TMC3: variants seen among roughly 807,000 people sequenced by gnomAD.
TMC3 encodes the protein transmembrane channel-like protein 3.
TMC3 carries 98 observed loss-of-function variants against 110.6 expected under a neutral mutation model. The observed-to-expected ratio is 0.89, with a 90% CI of 0.75 to 1.05. The LOEUF (loss-of-function observed/expected upper bound fraction) is 1.05. Ranked by LOEUF, TMC3 falls within the 50% of genes least tolerant of loss-of-function variation. TMC3 has a pLI of 0.00. For synonymous variants in TMC3, 489 were observed against 513.1 expected, an observed-to-expected ratio of 0.95 and a Z score of 0.63; for missense variants, 1,319 against 1,373.2, an observed-to-expected ratio of 0.96 and a Z score of 0.62.
In TMC3 at chr15:81,355,728, T is replaced by A; in HGVS notation, c.932A>T (p.Asn311Ile). The change falls in exon 9 of 22, where the codon AAC becomes ATC. Residue 311 changes from asparagine to isoleucine, a missense_variant. Physicochemically the swap from Asn to Ile is moderately radical, Grantham distance 149 (BLOSUM62 -3). Transcript: ENST00000359440. Reference protein sequence around the residue: ...LEEQEKKKSKNLAVTICLRII... With the variant: ...LEEQEKKKSKILAVTICLRII... ...CATGGGGAGTAATAATACCTACAGG[T>A]TTTTGCTTTTCTTTTTCTCCTGTTC... 1 of 1,596,376 alleles carries A rather than the reference T, an allele frequency of 6.3e-7. No homozygotes were observed. The highest frequency in any genetic ancestry group is 1.3e-5 in the African/African-American group (1 of 74,390).
chr15:81,358,242 C>G lies in TMC3; in HGVS notation c.650G>C (p.Arg217Thr). 6.2e-7 allele frequency: 1 copy of G among 1,613,284 alleles called. No individual in the cohort carries two copies. The highest frequency in any genetic ancestry group is 8.5e-7 in the Non-Finnish European group (1 of 1,179,522). The change falls in exon 7 of 22, where the codon AGG (arginine) becomes ACG (threonine). Residue 217 changes from arginine (R) to threonine (T), a missense_variant. Physicochemically the swap from Arg to Thr is moderately conservative, Grantham distance 71. Transcript: ENST00000359440. ...VLFYGYYGRE[R>T]KIGRAGYRLP... ...CCGGTAGCCAGCTCTCCCGATCTTC[C>G]TCTCCCTGCCGTAATATCCGTAGAA...
At chr15:81,336,780 T>C in intron 19 of TMC3, 129 bp from the exon 20 acceptor site, 1 of 922,172 alleles carries the variant, frequency 1.1e-6, no homozygotes, top group South Asian at 1.4e-5. Flanking sequence ...GTACTACTAT[T>C]GCCCCCTATG....
chr15:81,369,224 T>C (rs7165705), intron 2 of TMC3, among the ~76,000 whole-genome samples: 22,804 of 152,052 alleles, frequency 0.15, 3,171 homozygotes, highest in African/African-American at 0.37. Flanking sequence ...CACCCACTGG[T>C]CTGAGTCCTT....
chr15:81,369,563 T>A (rs1364585952), intron 2 of TMC3, among the ~76,000 whole-genome samples: 1 of 152,212 alleles, frequency 6.6e-6, no homozygotes, highest in Non-Finnish European at 1.5e-5. Flanking sequence ...TATTTTTTTC[T>A]GAAAATATTT....
chr15:81,339,454 A>C lies in TMC3; in HGVS notation c.1895T>G (p.Met632Arg). Residue 632 changes from methionine (M) to arginine (R), a missense_variant, in exon 17 of 22, where the codon ATG (methionine) becomes AGG (arginine). Met to Arg is a moderately conservative substitution (Grantham distance 91, BLOSUM62 -1). Transcript: ENST00000359440. ...GACAATAGCAAAAATGGTTGGCAGC[A>C]TGCACAGAAACAGCATAAACAGGAG... ...AMLLFMLFLC[M>R]LPTIFAIVRY... 6.2e-7 allele frequency: 1 copy of C among 1,610,480 alleles called. No individual in the cohort carries two copies. The highest frequency in any genetic ancestry group is 1.7e-4 in the Middle Eastern group (1 of 6,060).
At chr15:81,361,168 T>G (rs1489353858) in intron 4 of TMC3, among the ~76,000 whole-genome samples, 1 of 152,192 alleles carries the variant, frequency 6.6e-6, no homozygotes, top group Non-Finnish European at 1.5e-5. Flanking sequence ...AGCTTTACTT[T>G]TTATGTATGT....
rs1893774531 is a variant in TMC3 at position 81,344,112 on chromosome 15, G to A, written c.1519-67C>T. On this transcript the variant is annotated intron_variant, in intron 13 of 21. Transcript: ENST00000359440. ...TTCCCACGGTCACTCTTCCTTCAGG[G>A]TGCTCCTAATCTCTGTTCATTCTTG... 12 of 1,548,408 alleles carry A rather than the reference G, an allele frequency of 7.7e-6. No individual in the cohort carries two copies. In the Admixed American group the frequency reaches 1.7e-4, roughly 22 times the overall value.
At chr15:81,358,883 G>A (rs995057227) in intron 5 of TMC3, among the ~76,000 whole-genome samples, 1 of 152,152 alleles carries the variant, frequency 6.6e-6, no homozygotes, top group Non-Finnish European at 1.5e-5. Context: ...GGTGAGGTCT[G>A]GGCTTTAGTG....
At chr15:81,338,456 C>T (rs974046944) in intron 18 of TMC3, among the ~76,000 whole-genome samples, 199 bp downstream of exon 18, 10 of 152,184 alleles carry the variant, frequency 6.6e-5, no homozygotes, top group Admixed American at 1.3e-4. Context: ...CTCGCTGAGA[C>T]CCAGTGGCTG....
chr15:81,372,183 A>G (rs543403921), intron 2 of TMC3, among the ~76,000 whole-genome samples: 1 of 151,758 alleles, frequency 6.6e-6, no homozygotes, highest in East Asian at 1.9e-4. Context: ...CTCTTTTCAT[A>G]TTGGCTTACT....
Position 81,332,878 on chromosome 15 carries a change from C to T in TMC3, c.2844G>A (p.Thr948=), listed in dbSNP as rs1215442738. 8 of 1,613,138 alleles carry T rather than the reference C, an allele frequency of 5.0e-6. No individual in the cohort carries two copies. The Admixed American group carries it at 5.0e-5, about 10-fold the overall frequency. The change falls in exon 22 of 22, where the codon ACG becomes ACA. Residue 948 remains threonine (T), a synonymous_variant. Transcript: ENST00000359440. ...SPQLSEEEEE[T]PSRDWIKRSL... is the part of the protein sequence containing the mutation. Reference sequence around the variant, plus strand: ...ACCGTTTGATCCAATCTCTGCTTGGCGTCTCCTCCTCTTCTTCACTCAGCT... The same window carrying T: ...ACCGTTTGATCCAATCTCTGCTTGGTGTCTCCTCCTCTTCTTCACTCAGCT...
chr15:81,333,319 C>G, intron 21 of TMC3, 57 bp from the exon 22 acceptor site: 1 of 1,548,634 alleles, frequency 6.5e-7, no homozygotes, highest in Non-Finnish European at 8.7e-7. Flanking sequence ...AGCCCCACAC[C>G]TGAGGACTGT....
At chr15:81,351,655 T>A (rs1399072071) in intron 10 of TMC3, 39 bp downstream of exon 10, 1 of 1,550,736 alleles carries the variant, frequency 6.4e-7, no homozygotes. Context: ...CCCAGCTATG[T>A]CTCTTTTCTA....
Position 81,333,210 on chromosome 15 carries a change from G to A in TMC3, c.2512C>T (p.Arg838Cys), listed in dbSNP as rs562032245. The part of the protein sequence containing the change: ...STSDLHRNRS[R>C]TPMTFTTHIE... ...TGCGTTGTAAATGTCATAGGTGTGC[G>A]CGATCTGTTCCTGTGAAGGTCACTG... The change falls in exon 22 of 22, where the codon CGC becomes TGC. Residue 838 changes from arginine to cysteine, a missense_variant. Arg to Cys is a radical substitution (Grantham distance 180). Transcript: ENST00000359440. The A allele has an allele frequency of 2.4e-5, 38 of 1,613,890 alleles. No homozygotes were observed. The East Asian group carries it at 5.3e-4, about 23-fold the overall frequency.
intron 19 of TMC3, among the ~76,000 whole-genome samples, chr15:81,337,203 G>A (rs1893615564): frequency 6.6e-6 from 1 of 152,066 alleles, no homozygotes; most frequent in South Asian, 2.1e-4. Context: ...TACGCTTACA[G>A]AGCCTCCTTA....
rs759217680 is a variant in TMC3 at position 81,362,289 on chromosome 15, A to C, written c.325T>G (p.Phe109Val). The change falls in exon 4 of 22, where the codon TTT becomes GTT. Residue 109 changes from phenylalanine (F) to valine (V), a missense_variant. Coordinates refer to ENST00000359440, the MANE Select transcript of TMC3 (RefSeq NM_001080532.3). ...QAAGAELWRKFARLACNFVVI... is the reference protein window; with the variant it reads ...QAAGAELWRKVARLACNFVVI... ...ACAAAGTTACAGGCGAGACGAGCAA[A>C]TTTCCGCCAGAGCTAGACAAGAGGG... 1 of 1,612,080 alleles carries C rather than the reference A, an allele frequency of 6.2e-7. No homozygotes were observed. Among genetic ancestry groups the C allele is most frequent in the East Asian group, 2.2e-5 (1 of 44,828 alleles).
intron 9 of TMC3, among the ~76,000 whole-genome samples, chr15:81,355,444 CA>C (rs1894038838): frequency 2.0e-5 from 3 of 152,142 alleles, no homozygotes; most frequent in Admixed American, 1.3e-4. Flanking sequence ...AGTTGGTGCT[CA>C]AAATACCTCT....
chr15:81,353,513 T>C (rs2141711323), intron 9 of TMC3, among the ~76,000 whole-genome samples: 1 of 152,326 alleles, frequency 6.6e-6, no homozygotes, highest in Middle Eastern at 3.4e-3. Context: ...TTTTAATCTT[T>C]TATACCACAT....
In TMC3 at chr15:81,332,583, C is replaced by T. The variant is rs536203575; in HGVS notation, c.3139G>A (p.Ala1047Thr). The change falls in exon 22 of 22, where the codon GCA becomes ACA. Residue 1047 changes from alanine (A) to threonine (T), a missense_variant. Physicochemically the swap from Ala to Thr is moderately conservative, Grantham distance 58. Transcript: ENST00000359440. Reference protein sequence around the residue: ...SLTESDSVSAASSSDQQNSSA... With the variant: ...SLTESDSVSATSSSDQQNSSA... The stretch of plus-strand genomic sequence containing the variant: ...CTGTTCTGCTGGTCACTGCTGGATG[C>T]TGCCGACACGGAGTCAGATTCCGTG... 42 of 1,614,008 alleles carry T rather than the reference C, an allele frequency of 2.6e-5. No individual in the cohort carries two copies. The South Asian group carries it at 4.4e-4, about 17-fold the overall frequency.
Sources: gnomAD v4.1 joint callset for allele counts (sites outside exome capture counted in the v4.1 genomes callset) on GRCh38, gnomAD v4.1.1 for gene constraint, MANE v1.5 for transcripts, NCBI Gene and HGNC (gene_info 2026-07-23, HGNC 2026-07-21) for gene names.